DNAH1: variants seen among roughly 807,000 people sequenced by gnomAD.
DNAH1 encodes dynein axonemal heavy chain 1.
A neutral mutation model predicts 484.3 loss-of-function variants in DNAH1; 327 were observed. The ratio of observed to expected loss-of-function variants is 0.68; its 90% CI spans 0.62 to 0.74. The LOEUF (loss-of-function observed/expected upper bound fraction) is 0.74. DNAH1 is among the 30% of genes least tolerant of loss of function. The probability of loss-of-function intolerance (pLI) is 0.00; values close to 1 mark genes in which losing one functional copy is unlikely to be tolerated. For missense variants in DNAH1, 5,052 were observed against 5,546.8 expected (o/e 0.91, Z 2.83); for synonymous variants, 2,192 against 2,191.9 (o/e 1.00, Z 0.00).
Position 52,396,367 on chromosome 3 carries a change from G to T in DNAH1, c.11260-1G>T. ...TGCTCACGTGGAGCCATGGCCACCA[G>T]GTACACAGGGACTTCCGCCTCTGGC... On this transcript the variant is annotated splice_acceptor_variant, in intron 70 of 77. Coordinates refer to ENST00000420323, the MANE Select transcript of DNAH1 (RefSeq NM_015512.5). LOFTEE classifies it high-confidence loss of function. The T allele has an allele frequency of 6.4e-7, 1 of 1,572,016 alleles. No homozygotes were observed. The highest frequency in any genetic ancestry group is 8.6e-7 in the Non-Finnish European group (1 of 1,159,540).
chr3:52,356,573 A>T, intron 21 of DNAH1, 41 bp from the exon 22 acceptor site: 1 of 1,605,364 alleles, frequency 6.2e-7, no homozygotes, highest in Non-Finnish European at 8.5e-7. Flanking sequence ...TTGGACCCTG[A>T]CAGTCCATAT....
At position 52,326,214 on chromosome 3, in the gene DNAH1, C is replaced by T. The variant is rs1440005574; in HGVS notation, c.481C>T (p.Leu161Phe). 6.2e-7 allele frequency: 1 copy of T among 1,613,092 alleles called. No homozygotes were observed. The highest frequency in any genetic ancestry group is 1.7e-5 in the Admixed American group (1 of 59,940). ...GTGCATCGGGTCCACCACCCGGCTG[C>T]TCGCCCAGACTGACTTCCCACTGCA... ...QQCIGSTTRL[L>F]AQTDFPLQAY... The change falls in exon 4 of 78, where the codon CTC (leucine) becomes TTC (phenylalanine). Residue 161 changes from leucine (L) to phenylalanine (F), a missense_variant. By Grantham distance (22) the Leu-to-Phe change is conservative. Transcript: ENST00000420323.
At position 52,400,321 on chromosome 3, in the gene DNAH1, C is replaced by T; in HGVS notation, c.12677-4C>T. ...TAACCCGTCCCCCTCCTTGCCCATT[C>T]CAGGAACACTATCAACCACAGGACA... On this transcript the variant is annotated splice_polypyrimidine_tract_variant and splice_region_variant and intron_variant, in intron 77 of 77. Transcript: ENST00000420323. 6.2e-7 allele frequency: 1 copy of T among 1,613,952 alleles called. No individual in the cohort carries two copies. Among genetic ancestry groups the T allele is most frequent in the Non-Finnish European group, 8.5e-7 (1 of 1,179,864 alleles).
intron 8 of DNAH1, among the ~76,000 whole-genome samples, chr3:52,335,625 C>G (rs1329924278): frequency 7.5e-6 from 1 of 133,618 alleles, no homozygotes; most frequent in Non-Finnish European, 1.6e-5. Flanking sequence ...CTCTTTTTCC[C>G]TTTTGTTTTT....
At position 52,349,376 on chromosome 3, in the gene DNAH1, G is replaced by T. The variant is rs141416042; in HGVS notation, c.2482G>T (p.Val828Leu). Residue 828 changes from valine to leucine, a missense_variant, in exon 14 of 78, where the codon GTG becomes TTG. Around this residue, in one of 4 missense-constraint regions of DNAH1, gnomAD observed 1,263 missense variants for 1,218.8 expected, o/e 1.04. Coordinates refer to ENST00000420323, the MANE Select transcript of DNAH1 (RefSeq NM_015512.5). ...SKKRKALATS[V>L]LDILAKNLHK... ...GAAACGCAAGGCCCTGGCCACTTCC[G>T]TGCTGGACATCCTTGCCAAGAACCT... 1.9e-6 allele frequency: 3 copies of T among 1,613,992 alleles called. No individual in the cohort carries two copies. In the South Asian group the frequency reaches 3.3e-5, roughly 18 times the overall value.
rs767078479 is a variant in DNAH1 at position 52,392,811 on chromosome 3, C to T, written c.10279-19C>T. On this transcript the variant is annotated intron_variant, in intron 64 of 77. Coordinates refer to ENST00000420323, the MANE Select transcript of DNAH1 (RefSeq NM_015512.5). The stretch of plus-strand genomic sequence containing the variant: ...ACCTTCTGCTCTTTGACCCCTCCCC[C>T]CACCCACTACACCCACAGGCCAAAG... The T allele has an allele frequency of 4.7e-6, 3 of 636,754 alleles. No homozygotes were observed. Among genetic ancestry groups the T allele is most frequent in the Non-Finnish European group, 8.4e-6 (3 of 358,552 alleles). 39.4% of individuals were successfully genotyped at this position (636,754 alleles called of 1,614,324 possible).
At chr3:52,326,052 C>T in intron 3 of DNAH1, 88 bp from the exon 4 acceptor site, 2 of 1,314,118 alleles carry the variant, frequency 1.5e-6, no homozygotes, top group Non-Finnish European at 2.0e-6. Flanking sequence ...AGCATACTAC[C>T]TGGTTGGTAA....
At chr3:52,319,645 C>T (rs191876610) in intron 1 of DNAH1, among the ~76,000 whole-genome samples, 3 of 152,362 alleles carry the variant, frequency 2.0e-5, no homozygotes, top group African/African-American at 7.2e-5. Context: ...CTTCTCCCTC[C>T]TGCCAGTCAC....
chr3:52,331,025 C>A, intron 6 of DNAH1, 123 bp from the exon 7 acceptor site: 1 of 1,258,480 alleles, frequency 7.9e-7, no homozygotes, highest in Non-Finnish European at 1.1e-6. Context: ...GGGGGCATCC[C>A]AGCGGGAGAG....
chr3:52,393,214 C>T (rs1181609835), intron 65 of DNAH1, 120 bp from the exon 66 acceptor site: 13 of 1,517,728 alleles, frequency 8.6e-6, no homozygotes, highest in Non-Finnish European at 1.2e-5. Context: ...ACACCAAGTG[C>T]CCAAGAGGAG....
rs1186238282 is a variant in DNAH1 at position 52,364,643 on chromosome 3, C to CTTCTG, written c.5251_5252insTCTGT (p.Tyr1751PhefsTer7). 6 of 1,613,862 alleles carry CTTCTG rather than the reference C, an allele frequency of 3.7e-6. No individual in the cohort carries two copies. Among genetic ancestry groups the CTTCTG allele is most frequent in the Non-Finnish European group, 5.1e-6 (6 of 1,179,902 alleles). On this transcript the variant is annotated frameshift_variant, in exon 33 of 78. Coordinates refer to ENST00000420323, the MANE Select transcript of DNAH1 (RefSeq NM_015512.5). LOFTEE classifies it high-confidence loss of function. This position sits in a 1 kb window ranked among gnomAD's most constrained non-coding sequence, Gnocchi z 4.2. ...CTCCTTCTGTATGGCGACAGGATCACTATGACTTCGGGATGAGAGCCGTGA... is the reference window on the plus strand; with the variant it reads ...CTCCTTCTGTATGGCGACAGGATCACTTCTGTATGACTTCGGGATGAGAGCCGTGA...
In DNAH1 at chr3:52,378,466, G is replaced by A. The variant is rs1703698020; in HGVS notation, c.7199-136G>A. ...CATCCGAGATGGGGCCAAAGGGTAC[G>A]TGGAATCCAAGCCTGAAGGCTGGGG... On this transcript the variant is annotated intron_variant, in intron 46 of 77. Transcript: ENST00000420323. The A allele has an allele frequency of 1.7e-5, 16 of 936,772 alleles. No individual in the cohort carries two copies. In the Admixed American group the frequency reaches 1.8e-4, roughly 10 times the overall value. 58.0% of individuals were successfully genotyped at this position (936,772 alleles called of 1,614,324 possible). A position where few individuals can be genotyped will look rare whatever the true frequency, so the allele number is the denominator to read the frequency against.
In DNAH1 at chr3:52,394,982, C is replaced by G; in HGVS notation, c.10891C>G (p.Leu3631Val). The change falls in exon 68 of 78, where the codon CTG (leucine) becomes GTG (valine). Residue 3631 changes from leucine to valine, a missense_variant. Leu to Val is a conservative substitution (Grantham distance 32). Coordinates refer to ENST00000420323, the MANE Select transcript of DNAH1 (RefSeq NM_015512.5). ...QFQKLLVLRC[L>V]RGDKVTNAMQ... ...CCAGAAGCTGCTAGTCCTCCGCTGC[C>G]TGCGTGGGGACAAGGTTACCAACGC... The G allele has an allele frequency of 6.2e-7, 1 of 1,612,932 alleles. No homozygotes were observed. Among genetic ancestry groups the G allele is most frequent in the South Asian group, 1.1e-5 (1 of 90,764 alleles).
Position 52,386,162 on chromosome 3 carries a change from G to A in DNAH1, c.8628G>A (p.Val2876=), listed in dbSNP as rs770379795. The change falls in exon 55 of 78, where the codon GTG becomes GTA. Residue 2876 remains valine, a splice_region_variant and synonymous_variant. Transcript: ENST00000420323. ...DTMLTMEQIK[V]DTAIAEETRN... Reference sequence around the variant, plus strand: ...ATCCCTATGTCTCCCATCCCCAGGTGGATACGGCCATCGCCGAGGAGACCC... The same window carrying A: ...ATCCCTATGTCTCCCATCCCCAGGTAGATACGGCCATCGCCGAGGAGACCC... The A allele has an allele frequency of 2.5e-6, 4 of 1,612,274 alleles. No homozygotes were observed. In the South Asian group the frequency reaches 3.3e-5, roughly 13 times the overall value.
In DNAH1 at chr3:52,376,009, G is replaced by A. The variant is rs781661775; in HGVS notation, c.7198+16G>A. 2 of 1,610,332 alleles carry A rather than the reference G, an allele frequency of 1.2e-6. No individual in the cohort carries two copies. Among genetic ancestry groups the A allele is most frequent in the Non-Finnish European group, 1.7e-6 (2 of 1,178,864 alleles). On this transcript the variant is annotated intron_variant, in intron 46 of 77. Coordinates refer to ENST00000420323, the MANE Select transcript of DNAH1 (RefSeq NM_015512.5). Reference sequence around the variant, plus strand: ...GAGCGTGTGCGTAAGTGTGGGCCTGGGCGGGAATGGGGCACTGGTTCCAGG... The same window carrying A: ...GAGCGTGTGCGTAAGTGTGGGCCTGAGCGGGAATGGGGCACTGGTTCCAGG...
At position 52,368,888 on chromosome 3, in the gene DNAH1, C is replaced by T. The variant is rs1248880188; in HGVS notation, c.5913C>T (p.Leu1971=). Residue 1971 remains leucine (L), a synonymous_variant, in exon 37 of 78, where the codon CTC becomes CTT. Coordinates refer to ENST00000420323, the MANE Select transcript of DNAH1 (RefSeq NM_015512.5). The surrounding 1 kb of genome is among the most constrained non-coding windows in gnomAD (Gnocchi z 4.4). ...TGGATGACAACAAGAAGCTGTGCCT[C>T]AGCTCTGGGGAGATCATCAAGCTCA... ...TVLDDNKKLC[L]SSGEIIKLTE... The T allele has an allele frequency of 1.2e-6, 2 of 1,614,016 alleles. No homozygotes were observed. The highest frequency in any genetic ancestry group is 2.2e-5 in the South Asian group (2 of 91,080).
At chr3:52,376,026 G>A (rs1261281271) in intron 46 of DNAH1, 33 bp downstream of exon 46, 1 of 1,606,116 alleles carries the variant, frequency 6.2e-7, no homozygotes, top group East Asian at 2.2e-5. Context: ...ATGGGGCACT[G>A]GTTCCAGGAG....
intron 46 of DNAH1, among the ~76,000 whole-genome samples, chr3:52,377,906 T>C (rs1221236661): frequency 6.6e-6 from 1 of 152,148 alleles, no homozygotes; most frequent in Non-Finnish European, 1.5e-5. Context: ...CCACTCATTG[T>C]CGTCCTTACC....
Position 52,393,532 on chromosome 3 carries a change from T to C in DNAH1, c.10626+47T>C, listed in dbSNP as rs1364876614. Reference sequence around the variant, plus strand: ...ACAGACTGCCTGAGGGGTGGCCCTGTGGCAGGGCCTGAGAACAGGGTGGAA... The same window carrying C: ...ACAGACTGCCTGAGGGGTGGCCCTGCGGCAGGGCCTGAGAACAGGGTGGAA... On this transcript the variant is annotated intron_variant, in intron 66 of 77. Coordinates refer to ENST00000420323, the MANE Select transcript of DNAH1 (RefSeq NM_015512.5). The C allele has an allele frequency of 4.4e-6, 7 of 1,606,160 alleles. No individual in the cohort carries two copies. The African/African-American group carries it at 6.7e-5, about 15-fold the overall frequency.
Sources: gnomAD v4.1 joint callset for allele counts (sites outside exome capture counted in the v4.1 genomes callset) on GRCh38, gnomAD v4.1.1 for gene constraint, gnomAD v4.1.1 regional missense constraint, Gnocchi (gnomAD v3.1) non-coding constraint, MANE v1.5 for transcripts, NCBI Gene and HGNC (gene_info 2026-07-23, HGNC 2026-07-21) for gene names.